The following IKZF1 variants were observed in gnomAD, a reference collection of about 807,000 sequenced individuals.
The protein encoded by IKZF1 is IKAROS family zinc finger 1, also known as DNA-binding protein Ikaros.
Under a neutral mutation model 51.7 loss-of-function variants are expected in IKZF1, and 10 were observed. That is an observed-to-expected ratio of 0.19 (90% CI 0.12 to 0.33). The LOEUF is 0.33. Ranked by LOEUF, IKZF1 falls within the 10% of genes least tolerant of loss-of-function variation. The probability of loss-of-function intolerance (pLI) is 1.00; values close to 1 mark genes in which losing one functional copy is unlikely to be tolerated. For synonymous variants in IKZF1, 280 were observed against 282.3 expected, an observed-to-expected ratio of 0.99 and a Z score of 0.08; for missense variants, 484 against 707.5, an observed-to-expected ratio of 0.68 and a Z score of 3.58.
intron 3 of IKZF1, chr7:50,368,852 G>A (rs1807802281): frequency 9.0e-6 from 2 of 221,890 alleles, no homozygotes; most frequent in Non-Finnish European, 1.8e-5. Context: ...TCAGAAAACA[G>A]GTCGCATTTG....
rs1817908528 is a variant in IKZF1, at chr7:50,400,555, C to T, written c.1488C>T (p.Gly496=). 8 of 1,613,968 alleles carry T rather than the reference C, an allele frequency of 5.0e-6. No homozygotes were observed. The highest frequency in any genetic ancestry group is 6.8e-6 in the Non-Finnish European group (8 of 1,179,948). Residue 496 remains glycine, a synonymous_variant, in exon 8 of 8, where the codon GGC becomes GGT. Coordinates refer to ENST00000331340, the MANE Select transcript of IKZF1 (RefSeq NM_006060.6). The surrounding 1 kb of genome is among the most constrained non-coding windows in gnomAD (Gnocchi z 5.4). The part of the protein sequence containing the change: ...FRDPFECNMC[G]YHSQDRYEFS... ...ATCCTTTTGAGTGCAACATGTGCGGCTACCACAGCCAGGACCGGTACGAGT... is the reference window on the plus strand; with the variant it reads ...ATCCTTTTGAGTGCAACATGTGCGGTTACCACAGCCAGGACCGGTACGAGT...
intron 3 of IKZF1, chr7:50,328,115 G>C (rs940235144): frequency 5.7e-6 from 1 of 176,462 alleles, no homozygotes; most frequent in African/African-American, 2.4e-5. Context: ...TTTGGCAACA[G>C]TGCTTTTCAG....
intron 2 of IKZF1, among the ~76,000 whole-genome samples, chr7:50,324,930 A>G (rs184360055): frequency 6.6e-6 from 1 of 152,270 alleles, no homozygotes; most frequent in Admixed American, 6.5e-5. Flanking sequence ...CTCCAGCATG[A>G]TCGCAGGGAA....
At chr7:50,390,348 G>A (rs1487945992) in intron 6 of IKZF1, among the ~76,000 whole-genome samples, 3 of 152,216 alleles carry the variant, frequency 2.0e-5, no homozygotes, top group African/African-American at 7.2e-5. Context: ...TGTGTGACCA[G>A]TGTAATTGGG....
intron 3 of IKZF1, among the ~76,000 whole-genome samples, chr7:50,331,072 A>G (rs1796348775): frequency 6.6e-6 from 1 of 152,164 alleles, no homozygotes; most frequent in Admixed American, 6.5e-5. Context: ...ACATATATAG[A>G]CATAATTTGT....
intron 1 of IKZF1, among the ~76,000 whole-genome samples, chr7:50,309,210 G>T (rs1286026334): frequency 6.6e-6 from 1 of 152,190 alleles, no homozygotes; most frequent in African/African-American, 2.4e-5. Context: ...TCTCACTCGA[G>T]TGTGCAGTGA....
chr7:50,311,489 T>A (rs1790167532), intron 1 of IKZF1, among the ~76,000 whole-genome samples: 1 of 152,240 alleles, frequency 6.6e-6, no homozygotes, highest in African/African-American at 2.4e-5. Context: ...CTTCAGGTTA[T>A]TTTTAATAAA....
rs1818761370 is a variant in IKZF1 at position 50,404,928 on chromosome 7, TAAATTTAAAAGTC to T, written c.*4304_*4316del. The T allele has an allele frequency of 4.7e-6, 1 of 214,068 alleles. No individual in the cohort carries two copies. Among genetic ancestry groups the T allele is most frequent in the South Asian group, 1.9e-4 (1 of 5,376 alleles). 13.3% of individuals were successfully genotyped at this position (214,068 alleles called of 1,614,324 possible). On this transcript the variant is annotated 3_prime_UTR_variant, in exon 8 of 8. Coordinates refer to ENST00000331340, the MANE Select transcript of IKZF1 (RefSeq NM_006060.6). ...GCACTTCTCTTCCCGAGGAGTGGGG[TAAATTTAAAAGTC>T]AAGTTATAGTTTGGATGTTAGTATA...
At position 50,400,261 on chromosome 7, in the gene IKZF1, G is replaced by A. The variant is rs766296323; in HGVS notation, c.1194G>A (p.Thr398=). The A allele has an allele frequency of 6.2e-7, 1 of 1,611,632 alleles. No individual in the cohort carries two copies. The highest frequency in any genetic ancestry group is 1.7e-5 in the Admixed American group (1 of 59,866). ...ASPSNSCQDS[T]DTESNNEEQR... ...CGAGCAACAGCTGCCAAGACTCCAC[G>A]GACACCGAGAGCAACAACGAGGAGC... Residue 398 remains threonine (T), a synonymous_variant, in exon 8 of 8, where the codon ACG becomes ACA. Coordinates refer to ENST00000331340, the MANE Select transcript of IKZF1 (RefSeq NM_006060.6). The surrounding 1 kb of genome is among the most constrained non-coding windows in gnomAD (Gnocchi z 5.4).
At position 50,356,812 on chromosome 7, in the gene IKZF1, A is replaced by G. The variant is rs532757244; in HGVS notation, c.161-19721A>G. Among the ~76,000 whole-genome samples, 3 of 152,208 alleles carry G rather than the reference A, an allele frequency of 2.0e-5. No individual in the cohort carries two copies. In the East Asian group the frequency reaches 5.8e-4, roughly 29 times the overall value. ...TGGAAACCCAGTTACAAGATGACAC[A>G]CAAGCACAGTGTCACAATCGCTGTG... is the stretch of plus-strand genomic sequence containing the variant. On this transcript the variant is annotated intron_variant, in intron 3 of 7. Transcript: ENST00000331340.
At position 50,400,640 on chromosome 7, in the gene IKZF1, C is replaced by A. The variant is rs763643989; in HGVS notation, c.*13C>A. ...CCACATGAGCTAAAGCCCTCCCGCG[C>A]CCCCACCCCAGACCCCGAGCCACCC... On this transcript the variant is annotated 3_prime_UTR_variant, in exon 8 of 8. Coordinates refer to ENST00000331340, the MANE Select transcript of IKZF1 (RefSeq NM_006060.6). This position sits in a 1 kb window ranked among gnomAD's most constrained non-coding sequence, Gnocchi z 5.4. The A allele has an allele frequency of 6.3e-7, 1 of 1,598,074 alleles. No individual in the cohort carries two copies. Among genetic ancestry groups the A allele is most frequent in the Non-Finnish European group, 8.5e-7 (1 of 1,177,122 alleles).
intron 7 of IKZF1, among the ~76,000 whole-genome samples, chr7:50,395,835 TTTTGACAGAGTC>T (rs1287086554): frequency 1.3e-5 from 2 of 152,218 alleles, no homozygotes; most frequent in Non-Finnish European, 2.9e-5. Flanking sequence ...TTGATGAGCA[TTTTGACAGAGTC>T]TATGGTCTTG....
chr7:50,390,633 G>A (rs1227940607), intron 6 of IKZF1, among the ~76,000 whole-genome samples: 1 of 152,194 alleles, frequency 6.6e-6, no homozygotes, highest in Non-Finnish European at 1.5e-5. Flanking sequence ...ATGGGCCTCT[G>A]CCCAAATTAG....
rs186801066 is a variant in IKZF1 at position 50,393,062 on chromosome 7, G to A, written c.850+1199G>A. ...CTGGCATATTTTTTATGAGAACAAA[G>A]GCTAGGATAGTAAAGACAGCAAGTA... On this transcript the variant is annotated intron_variant, in intron 7 of 7. Transcript: ENST00000331340. Among the ~76,000 whole-genome samples, 733 of 152,218 alleles carry A rather than the reference G, an allele frequency of 4.8e-3. 3 individuals are homozygous for A. Among genetic ancestry groups the A allele is most frequent in the Non-Finnish European group, 5.0e-3 (340 of 68,012 alleles).
At chr7:50,378,976 A>C (rs1399420059) in intron 4 of IKZF1, among the ~76,000 whole-genome samples, 1 of 152,246 alleles carries the variant, frequency 6.6e-6, no homozygotes, top group African/African-American at 2.4e-5. Context: ...TTTTCCTGGG[A>C]TCTGAGTGGA....
At chr7:50,383,731 C>T (rs745988785) in intron 5 of IKZF1, among the ~76,000 whole-genome samples, 20 of 152,226 alleles carry the variant, frequency 1.3e-4, no homozygotes, top group Non-Finnish European at 1.9e-4. Flanking sequence ...AAGCCGGTGC[C>T]CTGGGGGATG....
chr7:50,352,181 C>G (rs1407153288), intron 3 of IKZF1, among the ~76,000 whole-genome samples: 2 of 152,184 alleles, frequency 1.3e-5, no homozygotes, highest in Non-Finnish European at 2.9e-5. Context: ...GTTTCCCTGG[C>G]CATAGGTCCT....
intron 5 of IKZF1, among the ~76,000 whole-genome samples, chr7:50,384,260 C>G (rs1222099107): frequency 6.6e-6 from 1 of 152,216 alleles, no homozygotes; most frequent in African/African-American, 2.4e-5. Context: ...GTGGTCCCTG[C>G]AGTAGTTCAC....
intron 3 of IKZF1, among the ~76,000 whole-genome samples, chr7:50,330,553 A>C (rs958250783): frequency 3.9e-5 from 6 of 152,188 alleles, no homozygotes; most frequent in African/African-American, 1.4e-4. Flanking sequence ...GAGGGAAGAG[A>C]GGGCTCTTCA....
Sources: allele counts gnomAD v4.1 joint callset (sites outside exome capture counted in the v4.1 genomes callset), GRCh38; gene constraint gnomAD v4.1.1; non-coding constraint Gnocchi (gnomAD v3.1); transcripts MANE v1.5; gene names NCBI Gene and HGNC (gene_info 2026-07-23, HGNC 2026-07-21).